SGCZ: variants seen among roughly 807,000 people sequenced by gnomAD.
SGCZ encodes the protein sarcoglycan zeta, also known as zeta-sarcoglycan.
In SGCZ, 40 loss-of-function variants were observed where a neutral mutation model predicts 41.3. The observed-to-expected ratio is 0.97, with a 90% CI of 0.75 to 1.26. The LOEUF (loss-of-function observed/expected upper bound fraction) is 1.26, where lower values mean the gene tolerates loss of function less well. SGCZ is among the 50% of genes most tolerant of loss of function. The pLI, the probability that SGCZ is intolerant of heterozygous loss-of-function variation, is 0.00. For missense variants in SGCZ, 552 were observed against 369.8 expected (o/e 1.49, Z -4.04); for synonymous variants, 206 against 137.5 (o/e 1.50, Z -3.49).
intron 1 of SGCZ, among the ~76,000 whole-genome samples, chr8:14,599,677 CCTTT>C (rs1418470550): frequency 6.6e-6 from 1 of 152,172 alleles, no homozygotes; most frequent in Non-Finnish European, 1.5e-5. Flanking sequence ...ATAAATTCTG[CCTTT>C]CTTTTCCTAA....
chr8:14,221,771 AC>A (rs1806202590), intron 4 of SGCZ, among the ~76,000 whole-genome samples: 1 of 152,140 alleles, frequency 6.6e-6, no homozygotes, highest in Admixed American at 6.5e-5. Flanking sequence ...CCTCATCTGT[AC>A]AAAAAATATA....
chr8:15,237,500 C>T (rs1802173571), intron 1 of SGCZ, 85 bp downstream of exon 1: 2 of 1,489,008 alleles, frequency 1.3e-6, no homozygotes, highest in Non-Finnish European at 1.8e-6. Context: ...AACTACTCCG[C>T]GCCGCTGGAG....
chr8:14,405,265 G>A (rs947661015), intron 2 of SGCZ, among the ~76,000 whole-genome samples: 1 of 152,146 alleles, frequency 6.6e-6, no homozygotes, highest in African/African-American at 2.4e-5. Flanking sequence ...ATAAAATGTA[G>A]TTTAATGGGA....
intron 1 of SGCZ, among the ~76,000 whole-genome samples, chr8:15,011,049 T>C (rs1313781668): frequency 6.6e-6 from 1 of 152,060 alleles, no homozygotes; most frequent in Non-Finnish European, 1.5e-5. Flanking sequence ...GTTTTTGCAA[T>C]TTTTTCTTTA....
chr8:14,663,722 A>C (rs1459264412), intron 1 of SGCZ, among the ~76,000 whole-genome samples: 1 of 152,178 alleles, frequency 6.6e-6, no homozygotes, highest in Non-Finnish European at 1.5e-5. Flanking sequence ...TTGATGTTCA[A>C]ATAGTATCTT....
At chr8:15,233,949 T>G (rs535891790) in intron 1 of SGCZ, among the ~76,000 whole-genome samples, 1 of 152,250 alleles carries the variant, frequency 6.6e-6, no homozygotes, top group African/African-American at 2.4e-5. Context: ...AAATAACAAT[T>G]ATCCACAAAT....
chr8:14,964,669 T>A (rs1405854522), intron 1 of SGCZ, among the ~76,000 whole-genome samples: 1 of 152,124 alleles, frequency 6.6e-6, no homozygotes, highest in Non-Finnish European at 1.5e-5. Flanking sequence ...TGGTTCTTTT[T>A]TAAATAATTC....
intron 1 of SGCZ, among the ~76,000 whole-genome samples, chr8:14,776,493 G>C (rs1800404665): frequency 6.7e-6 from 1 of 150,250 alleles, no homozygotes; most frequent in African/African-American, 2.4e-5. Flanking sequence ...TGTGAAATCA[G>C]ACTAATACAC....
chr8:14,784,349 G>A (rs554124626), intron 1 of SGCZ, among the ~76,000 whole-genome samples: 86 of 151,758 alleles, frequency 5.7e-4, no homozygotes, highest in Non-Finnish European at 1.1e-3. Context: ...ACCATGACTG[G>A]CCCCTTTTCA....
chr8:14,361,203 G>A (rs1336338415), intron 2 of SGCZ, among the ~76,000 whole-genome samples: 3 of 152,034 alleles, frequency 2.0e-5, no homozygotes, highest in African/African-American at 7.2e-5. Flanking sequence ...TCAAACATGT[G>A]GTTTGAGAAA....
intron 1 of SGCZ, among the ~76,000 whole-genome samples, chr8:14,968,572 T>G (rs1326765273): frequency 6.6e-6 from 1 of 152,078 alleles, no homozygotes; most frequent in Non-Finnish European, 1.5e-5. Context: ...AATGTATAAT[T>G]AAAATCAAGG....
chr8:14,328,112 T>C (rs1415939195), intron 2 of SGCZ, among the ~76,000 whole-genome samples: 1 of 152,216 alleles, frequency 6.6e-6, no homozygotes, highest in Non-Finnish European at 1.5e-5. Context: ...ATTACCTAGA[T>C]GAAATGATAA....
intron 1 of SGCZ, among the ~76,000 whole-genome samples, chr8:14,594,762 C>T (rs1205070959): frequency 6.6e-6 from 1 of 151,854 alleles, no homozygotes; most frequent in Non-Finnish European, 1.5e-5. Context: ...TGTGTAAATA[C>T]TATTACGTGA....
intron 1 of SGCZ, among the ~76,000 whole-genome samples, chr8:14,623,526 A>T (rs1477486898): frequency 6.6e-6 from 1 of 152,136 alleles, no homozygotes; most frequent in Non-Finnish European, 1.5e-5. Context: ...GGAAAAAATT[A>T]CTTCATGTGT....
At chr8:14,696,795 C>G (rs1189341274) in intron 1 of SGCZ, among the ~76,000 whole-genome samples, 1 of 151,560 alleles carries the variant, frequency 6.6e-6, no homozygotes, top group Non-Finnish European at 1.5e-5. Flanking sequence ...GGGATGTATC[C>G]TGGAATACAC....
chr8:14,607,302 G>C (rs1222127374), intron 1 of SGCZ, among the ~76,000 whole-genome samples: 1 of 152,058 alleles, frequency 6.6e-6, no homozygotes, highest in East Asian at 1.9e-4. Flanking sequence ...TTATCCTTCA[G>C]ATTGTACATT....
At chr8:14,251,579 C>T (rs1398815782) in intron 3 of SGCZ, among the ~76,000 whole-genome samples, 1 of 152,100 alleles carries the variant, frequency 6.6e-6, no homozygotes, top group African/African-American at 2.4e-5. Flanking sequence ...AACTGAATCT[C>T]CACTGAATTT....
chr8:14,633,258 T>C (rs1014739890), intron 1 of SGCZ, among the ~76,000 whole-genome samples: 1 of 151,996 alleles, frequency 6.6e-6, no homozygotes, highest in Admixed American at 6.6e-5. Flanking sequence ...CACAGTTTAT[T>C]GGGTAAGAAA....
intron 2 of SGCZ, among the ~76,000 whole-genome samples, chr8:14,470,342 G>A (rs1801179586): frequency 6.6e-6 from 1 of 151,812 alleles, no homozygotes; most frequent in African/African-American, 2.4e-5. Flanking sequence ...TCAATTTGTT[G>A]GCACATAGTA....
Sources: gnomAD v4.1 joint callset for allele counts (sites outside exome capture counted in the v4.1 genomes callset) on GRCh38, gnomAD v4.1.1 for gene constraint, MANE v1.5 for transcripts, NCBI Gene and HGNC (gene_info 2026-07-23, HGNC 2026-07-21) for gene names.